The following HDAC9 variants were observed in gnomAD, a reference collection of about 807,000 sequenced individuals.
HDAC9 encodes MEF-2 interacting transcription repressor (MITR) protein.
In HDAC9, 41 loss-of-function variants were observed where a neutral mutation model predicts 139.4. The ratio of observed to expected loss-of-function variants is 0.29; its 90% CI spans 0.23 to 0.38. HDAC9 has a LOEUF of 0.38. HDAC9 is among the 10% of genes least tolerant of loss of function. The pLI is 1.00. For missense variants in HDAC9, 1,147 were observed against 1,297.0 expected (o/e 0.88, Z 1.78); for synonymous variants, 517 against 476.2 (o/e 1.09, Z -1.12).
intron 2 of HDAC9, among the ~76,000 whole-genome samples, chr7:18,165,116 T>C: frequency 6.6e-6 from 1 of 152,200 alleles, no homozygotes; most frequent in East Asian, 1.9e-4. Context: ...GGATACTATT[T>C]CTAGTAATGT....
At chr7:18,563,035 G>C (rs1306941900) in intron 2 of HDAC9, among the ~76,000 whole-genome samples, 2 of 151,760 alleles carry the variant, frequency 1.3e-5, no homozygotes, top group African/African-American at 4.8e-5. Flanking sequence ...TATTTATTTT[G>C]GTTGTATTTA....
chr7:18,198,663 A>G lies in HDAC9; in HGVS notation c.25+36314A>G, dbSNP rs182694900. Among the ~76,000 whole-genome samples, 594 of 152,320 alleles carry G rather than the reference A, an allele frequency of 3.9e-3. 3 individuals carry two copies. Among genetic ancestry groups the G allele is most frequent in the Admixed American group, 6.9e-3 (105 of 15,298 alleles). ...TATTTGATCAATATGTGATGGTTAA[A>G]TTATAGATGGCTAACTTTTTTTCCT... On this transcript the variant is annotated intron_variant, in intron 2 of 12. Transcript: ENST00000417496.
chr7:18,839,393 A>G (rs1032616276), intron 21 of HDAC9, among the ~76,000 whole-genome samples: 2 of 152,064 alleles, frequency 1.3e-5, no homozygotes, highest in Non-Finnish European at 2.9e-5. Context: ...TAAAATACTC[A>G]GGAGTAATAA....
At chr7:18,227,863 C>T (rs1330260122) in intron 2 of HDAC9, among the ~76,000 whole-genome samples, 18 of 152,064 alleles carry the variant, frequency 1.2e-4, no homozygotes, top group Non-Finnish European at 1.9e-4. Context: ...TAGTGCCTAT[C>T]GGATGAATTA....
intron 16 of HDAC9, among the ~76,000 whole-genome samples, chr7:18,778,075 A>C (rs1399076729): frequency 6.6e-6 from 1 of 151,950 alleles, no homozygotes; most frequent in African/African-American, 2.4e-5. Context: ...TGGAGCAGAG[A>C]GGGCCTGATT....
intron 17 of HDAC9, among the ~76,000 whole-genome samples, chr7:18,822,561 G>T (rs1376608857): frequency 6.6e-6 from 1 of 151,964 alleles, no homozygotes; most frequent in African/African-American, 2.4e-5. Flanking sequence ...CACCACATTG[G>T]CCAGGCTGTC....
At chr7:18,158,066 C>G (rs1787356895) in intron 1 of HDAC9, among the ~76,000 whole-genome samples, 1 of 152,034 alleles carries the variant, frequency 6.6e-6, no homozygotes, top group East Asian at 1.9e-4. Context: ...CTTGCCCTAG[C>G]CATGAGAAAG....
At chr7:18,769,144 T>C (rs923153189) in intron 16 of HDAC9, among the ~76,000 whole-genome samples, 2 of 152,130 alleles carry the variant, frequency 1.3e-5, no homozygotes, top group African/African-American at 4.8e-5. Flanking sequence ...CAGGACTGAA[T>C]TGAGGCCATC....
At chr7:18,803,754 GT>G (rs1358025239) in intron 17 of HDAC9, among the ~76,000 whole-genome samples, 1 of 151,814 alleles carries the variant, frequency 6.6e-6, no homozygotes, top group East Asian at 1.9e-4. Flanking sequence ...TGTATTTTTA[GT>G]GGATTTTACT....
intron 1 of HDAC9, among the ~76,000 whole-genome samples, chr7:18,446,493 A>G (rs1792308700): frequency 6.6e-6 from 1 of 152,224 alleles, no homozygotes; most frequent in Non-Finnish European, 1.5e-5. Context: ...TGCTTCTCAT[A>G]TAACGTATAT....
intron 23 of HDAC9, among the ~76,000 whole-genome samples, chr7:18,938,552 A>C (rs1480252205): frequency 6.7e-6 from 1 of 150,290 alleles, no homozygotes; most frequent in Non-Finnish European, 1.5e-5. Flanking sequence ...CCGAGATGGC[A>C]CCACTGCATT....
At chr7:18,946,036 C>CAAAAAAAAAAAAAAAAAAAAAAAA (rs1171055959) in intron 23 of HDAC9, among the ~76,000 whole-genome samples, 3 of 38,260 alleles carry the variant, frequency 7.8e-5, no homozygotes, top group African/African-American at 2.2e-4. Context: ...GACTCCGTCT[C>CAAAAAAAAAAAAAAAAAAAAAAAA]AAAAAAAAAA....
chr7:18,683,443 G>T (rs543863658), intron 12 of HDAC9, among the ~76,000 whole-genome samples: 51 of 152,030 alleles, frequency 3.4e-4, no homozygotes, highest in African/African-American at 1.1e-3. Flanking sequence ...ATTAAACATC[G>T]CTACTTCTGA....
chr7:18,952,495 T>G (rs17140374), intron 23 of HDAC9, among the ~76,000 whole-genome samples: 2 of 151,900 alleles, frequency 1.3e-5, no homozygotes, highest in African/African-American at 4.8e-5. Flanking sequence ...TTCTTAAATA[T>G]TGGAACATAG....
At chr7:18,932,509 G>C (rs1226557743) in intron 22 of HDAC9, among the ~76,000 whole-genome samples, 1 of 152,070 alleles carries the variant, frequency 6.6e-6, no homozygotes, top group African/African-American at 2.4e-5. Flanking sequence ...TACCCTGGGG[G>C]CATCTATACC....
intron 2 of HDAC9, among the ~76,000 whole-genome samples, chr7:18,269,638 C>T (rs75649351): frequency 6.6e-6 from 1 of 152,084 alleles, no homozygotes; most frequent in African/African-American, 2.4e-5. Flanking sequence ...GGGAGGATTG[C>T]TTGAGCCCTG....
intron 17 of HDAC9, among the ~76,000 whole-genome samples, chr7:18,824,469 C>G (rs1795260612): frequency 6.6e-6 from 1 of 152,120 alleles, no homozygotes; most frequent in African/African-American, 2.4e-5. Context: ...GATAAGCAAA[C>G]ATAAATGAGA....
chr7:18,990,729 T>C (rs537205834), intron 25 of HDAC9, among the ~76,000 whole-genome samples: 2 of 152,226 alleles, frequency 1.3e-5, no homozygotes, highest in Non-Finnish European at 2.9e-5. Flanking sequence ...CTCCGAGCCA[T>C]GTGCGGGATA....
At chr7:18,904,638 C>T (rs1392520451) in intron 22 of HDAC9, among the ~76,000 whole-genome samples, 1 of 141,590 alleles carries the variant, frequency 7.1e-6, no homozygotes, top group Non-Finnish European at 1.5e-5. Flanking sequence ...AGTGCAGTGA[C>T]GCGATCCGCT....
Sources: allele counts gnomAD v4.1 joint callset (sites outside exome capture counted in the v4.1 genomes callset), GRCh38; gene constraint gnomAD v4.1.1; transcripts MANE v1.5; gene names NCBI Gene and HGNC (gene_info 2026-07-23, HGNC 2026-07-21).